The following SLC15A5 variants were observed in gnomAD, a reference collection of about 807,000 sequenced individuals.
SLC15A5 encodes Peptide/histidine transporter ENSP00000340402.
SLC15A5 carries 58 observed loss-of-function variants against 56.1 expected under a neutral mutation model. The observed-to-expected ratio is 1.03, with a 90% CI of 0.84 to 1.29. SLC15A5 has a LOEUF of 1.29. SLC15A5 is among the 50% of genes most tolerant of loss of function. The probability of loss-of-function intolerance (pLI) is 0.00; values close to 1 mark genes in which losing one functional copy is unlikely to be tolerated. For synonymous variants in SLC15A5, 264 were observed against 250.5 expected (o/e 1.05, Z -0.51); for missense variants, 681 against 672.1 (o/e 1.01, Z -0.15).
rs1395943088 is a variant in SLC15A5 at position 16,254,948 on chromosome 12, A to G, written c.754+2753T>C. Among the ~76,000 whole-genome samples, 3 of 152,172 alleles carry G rather than the reference A, an allele frequency of 2.0e-5. No individual in the cohort carries two copies. In the East Asian group the frequency reaches 5.8e-4, roughly 29 times the overall value. On this transcript the variant is annotated intron_variant, in intron 3 of 8. Coordinates refer to ENST00000344941, the MANE Select transcript of SLC15A5 (RefSeq NM_001170798.1). ...TACCACTGTAGGATGACTATAGTTA[A>G]CAATAAAATATTATATAGTTTTAGA...
chr12:16,277,644 G>T lies in SLC15A5; in HGVS notation c.42C>A (p.His14Gln). ...TCTCCTTCTCAATGCTGTGATATAAGTGTACTTTCTCATCAGTTATGGTAA... is the reference window on the plus strand; with the variant it reads ...TCTCCTTCTCAATGCTGTGATATAATTGTACTTTCTCATCAGTTATGGTAA... ...TGFTITDEKV[H>Q]LYHSIEKEKT... is the part of the protein sequence containing the mutation. The change falls in exon 1 of 9, where the codon CAC (histidine) becomes CAA (glutamine). Residue 14 changes from histidine to glutamine, a missense_variant. Coordinates refer to ENST00000344941, the MANE Select transcript of SLC15A5 (RefSeq NM_001170798.1). 1 of 1,535,918 alleles carries T rather than the reference G, an allele frequency of 6.5e-7. No individual in the cohort carries two copies.
At chr12:16,203,140 A>G (rs1035048962) in intron 7 of SLC15A5, among the ~76,000 whole-genome samples, 4 of 152,182 alleles carry the variant, frequency 2.6e-5, no homozygotes, top group African/African-American at 9.7e-5. Flanking sequence ...CTCATCACCA[A>G]GAAATGATAA....
intron 2 of SLC15A5, among the ~76,000 whole-genome samples, 182 bp downstream of exon 2, chr12:16,272,379 C>G (rs775384025): frequency 7.9e-5 from 12 of 152,102 alleles, no homozygotes; most frequent in Non-Finnish European, 1.5e-4. Flanking sequence ...GTGAGTTGTA[C>G]TGGTCTGCAT....
Position 16,216,983 on chromosome 12 carries a change from C to G in SLC15A5, c.1393G>C (p.Gly465Arg). The G allele has an allele frequency of 6.5e-7, 1 of 1,536,786 alleles. No individual in the cohort carries two copies. The highest frequency in any genetic ancestry group is 8.7e-7 in the Non-Finnish European group (1 of 1,146,612). ...AGTGTCAGAAAATTCATGGAGGTTC[C>G]TCTGACATTGCTTGGAACAAATCTG... is the stretch of plus-strand genomic sequence containing the variant. ...SYRFVPSNVR[G>R]TSMNFLTLFN... is the part of the protein sequence containing the mutation. The change falls in exon 7 of 9, where the codon GGA becomes CGA. Residue 465 changes from glycine (G) to arginine (R), a missense_variant. Coordinates refer to ENST00000344941, the MANE Select transcript of SLC15A5 (RefSeq NM_001170798.1).
intron 6 of SLC15A5, among the ~76,000 whole-genome samples, chr12:16,223,760 G>A (rs1864211602): frequency 6.6e-6 from 1 of 151,590 alleles, no homozygotes. Flanking sequence ...TCTGTCACCA[G>A]GCTGGAGTGC....
chr12:16,211,847 A>G (rs954685153), intron 7 of SLC15A5, among the ~76,000 whole-genome samples: 7 of 152,226 alleles, frequency 4.6e-5, no homozygotes, highest in Non-Finnish European at 8.8e-5. Flanking sequence ...TGTCACTCTA[A>G]CAGTTATCTG....
In SLC15A5 at chr12:16,205,549, T is replaced by C. The variant is rs1864007083; in HGVS notation, c.1484-11096A>G. Among the ~76,000 whole-genome samples the C allele has an allele frequency of 1.9e-3, 3 of 1,578 alleles. No homozygotes were observed. The East Asian group carries it at 0.075, about 39-fold the overall frequency. 1.0% of individuals were successfully genotyped at this position (1,578 alleles called of 152,430 possible). The stretch of plus-strand genomic sequence containing the variant: ...GGAAAGGTGCATATATATATATGTA[T>C]ATATATATATTCCATAAGAAGGGAA... On this transcript the variant is annotated intron_variant, in intron 7 of 8. Transcript: ENST00000344941.
intron 1 of SLC15A5, among the ~76,000 whole-genome samples, chr12:16,273,346 A>T (rs959224031): frequency 5.3e-5 from 8 of 150,928 alleles, no homozygotes; most frequent in Non-Finnish European, 1.2e-4. Context: ...ACACAGCTGG[A>T]TGGAGCCTTC....
At chr12:16,209,052 T>C (rs1240611434) in intron 7 of SLC15A5, among the ~76,000 whole-genome samples, 1 of 150,090 alleles carries the variant, frequency 6.7e-6, no homozygotes, top group Non-Finnish European at 1.5e-5. Context: ...TGGACTTCCA[T>C]CACCTTAATC....
At position 16,257,829 on chromosome 12, in the gene SLC15A5, A is replaced by G; in HGVS notation, c.626T>C (p.Leu209Pro). The stretch of plus-strand genomic sequence containing the variant: ...TGAGTGCTGGATGTAAGATATTCCC[A>G]GAAACACAATAGTTGCATTTAGGTT... ...LMNLNATIVF[L>P]GISYIQHSQA... Residue 209 changes from leucine (L) to proline (P), a missense_variant, in exon 3 of 9, where the codon CTG becomes CCG. Coordinates refer to ENST00000344941, the MANE Select transcript of SLC15A5 (RefSeq NM_001170798.1). 1.3e-6 allele frequency: 2 copies of G among 1,516,456 alleles called. No individual in the cohort carries two copies. The highest frequency in any genetic ancestry group is 1.8e-6 in the Non-Finnish European group (2 of 1,139,938). The allele number at this position is 1,516,456 out of a possible 1,614,324, so 93.9% of individuals were successfully genotyped here.
At chr12:16,192,667 T>C (rs1863848390) in intron 8 of SLC15A5, among the ~76,000 whole-genome samples, 2 of 152,078 alleles carry the variant, frequency 1.3e-5, no homozygotes, top group Non-Finnish European at 2.9e-5. Context: ...AGTAAATCCC[T>C]GGGCTAATAG....
rs36053667 is a variant in SLC15A5, at chr12:16,238,629, C to CAAAA, written c.1162+1048_1162+1051dup. On this transcript the variant is annotated intron_variant, in intron 5 of 8. Coordinates refer to ENST00000344941, the MANE Select transcript of SLC15A5 (RefSeq NM_001170798.1). ...TGGGCGACAGAGCGAGACTCCGTCT[C>CAAAA]AAAAAAAAAAAAAAAAAATAAGAAC... Among the ~76,000 whole-genome samples, 746 of 115,746 alleles carry CAAAA rather than the reference C, an allele frequency of 6.4e-3. 25 individuals carry two copies. Among genetic ancestry groups the CAAAA allele is most frequent in the African/African-American group, 0.017 (489 of 29,316 alleles). 75.9% of individuals were successfully genotyped at this position (115,746 alleles called of 152,430 possible). A position where few individuals can be genotyped will look rare whatever the true frequency, so the allele number is the denominator to read the frequency against.
chr12:16,246,136 T>A (rs1456522120), intron 3 of SLC15A5, among the ~76,000 whole-genome samples: 1 of 152,116 alleles, frequency 6.6e-6, no homozygotes, highest in African/African-American at 2.4e-5. Context: ...TGTGTTTAGG[T>A]CATCTGGGAG....
At chr12:16,191,186 C>T (rs935744551) in intron 8 of SLC15A5, among the ~76,000 whole-genome samples, 32 of 151,922 alleles carry the variant, frequency 2.1e-4, no homozygotes, top group Non-Finnish European at 4.6e-4. Context: ...GTAAGTCTGG[C>T]CTTATATTTA....
chr12:16,255,679 C>A (rs1199515435), intron 3 of SLC15A5, among the ~76,000 whole-genome samples: 2 of 151,158 alleles, frequency 1.3e-5, no homozygotes, highest in African/African-American at 4.9e-5. Flanking sequence ...CTTAATATGG[C>A]AAATGTAAAA....
intron 2 of SLC15A5, among the ~76,000 whole-genome samples, chr12:16,270,336 A>G (rs1438508718): frequency 6.6e-6 from 1 of 152,204 alleles, no homozygotes; most frequent in East Asian, 1.9e-4. Flanking sequence ...AAAGCCTTCA[A>G]GTGGTTACAG....
chr12:16,226,062 T>C (rs1463400216), intron 5 of SLC15A5, among the ~76,000 whole-genome samples: 1 of 152,192 alleles, frequency 6.6e-6, no homozygotes, highest in Non-Finnish European at 1.5e-5. Context: ...ACAACTGATA[T>C]CTGCTGGGGA....
At chr12:16,203,406 T>C (rs1376053904) in intron 7 of SLC15A5, among the ~76,000 whole-genome samples, 1 of 152,158 alleles carries the variant, frequency 6.6e-6, no homozygotes, top group South Asian at 2.1e-4. Flanking sequence ...ATTGCACATA[T>C]ATAAAGATGA....
chr12:16,262,659 T>G (rs1864653951), intron 2 of SLC15A5, among the ~76,000 whole-genome samples: 1 of 152,204 alleles, frequency 6.6e-6, no homozygotes, highest in African/African-American at 2.4e-5. Context: ...ATGGTTTAGT[T>G]CTCTGTCCCC....
Sources: gnomAD v4.1 joint callset for allele counts (sites outside exome capture counted in the v4.1 genomes callset) on GRCh38, gnomAD v4.1.1 for gene constraint, MANE v1.5 for transcripts, NCBI Gene and HGNC (gene_info 2026-07-23, HGNC 2026-07-21) for gene names.